MSX1: variants seen among roughly 807,000 people sequenced by gnomAD.
MSX1 encodes msh homeobox 1.
In MSX1, 11 loss-of-function variants were observed where a neutral mutation model predicts 17.0. The ratio of observed to expected loss-of-function variants is 0.65; its 90% CI spans 0.41 to 1.07. The LOEUF (loss-of-function observed/expected upper bound fraction) is 1.07. Ranked by LOEUF, MSX1 falls within the 50% of genes least tolerant of loss-of-function variation. The probability of loss-of-function intolerance (pLI) is 0.00; values close to 1 mark genes in which losing one functional copy is unlikely to be tolerated. For missense variants in MSX1, 477 were observed against 440.1 expected, an observed-to-expected ratio of 1.08 and a Z score of -0.75; for synonymous variants, 253 against 211.8, an observed-to-expected ratio of 1.19 and a Z score of -1.69.
chr4:4,860,056 A>C lies in MSX1; in HGVS notation c.157A>C (p.Lys53Gln), dbSNP rs1048451887. ...MGADEEGAKPKVSPSLLPFSV... is the reference protein window; with the variant it reads ...MGADEEGAKPQVSPSLLPFSV... ...CGCGGACGAGGAGGGGGCCAAGCCC[A>C]AAGTGTCCCCTTCGCTCCTGCCCTT... The change falls in exon 1 of 2, where the codon AAA becomes CAA. Residue 53 changes from lysine to glutamine, a missense_variant. Transcript: ENST00000382723. 6.6e-7 allele frequency: 1 copy of C among 1,518,920 alleles called. No individual in the cohort carries two copies. The highest frequency in any genetic ancestry group is 8.8e-7 in the Non-Finnish European group (1 of 1,134,736). 94.1% of individuals were successfully genotyped at this position (1,518,920 alleles called of 1,614,324 possible).
At position 4,860,334 on chromosome 4, in the gene MSX1, G is replaced by A; in HGVS notation, c.435G>A (p.Trp145Ter). ...CCGAGAAGCCCGAGAGGACCCCGTG[G>A]ATGCAGAGCCCCCGCTTCTCCCCGC... The part of the protein sequence containing the change: ...ESPEKPERTP[W>*]MQSPRFSPPP... Residue 145 changes from tryptophan (W) to a stop codon, truncating the protein, a stop_gained, in exon 1 of 2, where the codon TGG becomes TGA. Coordinates refer to ENST00000382723, the MANE Select transcript of MSX1 (RefSeq NM_002448.3). LOFTEE classifies it high-confidence loss of function. 6.2e-7 allele frequency: 1 copy of A among 1,603,272 alleles called. No individual in the cohort carries two copies. Among genetic ancestry groups the A allele is most frequent in the Non-Finnish European group, 8.5e-7 (1 of 1,178,550 alleles).
chr4:4,860,939 G>A (rs1461521655), intron 1 of MSX1, among the ~76,000 whole-genome samples: 1 of 152,188 alleles, frequency 6.6e-6, no homozygotes, highest in African/African-American at 2.4e-5. Flanking sequence ...GAGGGGGCGG[G>A]GCACCAAGTC....
chr4:4,860,421 G>A (rs1737888683), intron 1 of MSX1, 53 bp downstream of exon 1: 1 of 1,141,316 alleles, frequency 8.8e-7, no homozygotes, highest in Non-Finnish European at 1.2e-6. Flanking sequence ...GGGGCCGGGT[G>A]GGGTGTGGGA....
chr4:4,863,219 C>A lies in MSX1; in HGVS notation c.*76C>A. The A allele has an allele frequency of 6.9e-7, 1 of 1,439,612 alleles. No individual in the cohort carries two copies. The highest frequency in any genetic ancestry group is 9.4e-7 in the Non-Finnish European group (1 of 1,061,302). The allele number at this position is 1,439,612 out of a possible 1,614,324, so 89.2% of individuals were successfully genotyped here. A position where few individuals can be genotyped will look rare whatever the true frequency, so the allele number is the denominator to read the frequency against. Reference sequence around the variant, plus strand: ...GCTGTACCCCCGACGTGCTCCCCTGCTCGGCACCGCCAGCCGCCTTCCCTT... The same window carrying A: ...GCTGTACCCCCGACGTGCTCCCCTGATCGGCACCGCCAGCCGCCTTCCCTT... On this transcript the variant is annotated 3_prime_UTR_variant, in exon 2 of 2. Coordinates refer to ENST00000382723, the MANE Select transcript of MSX1 (RefSeq NM_002448.3).
chr4:4,860,038 G>A lies in MSX1; in HGVS notation c.139G>A (p.Glu47Lys), dbSNP rs1737870972. ...CACGGCAGCCGCCATGGGCGCGGAC[G>A]AGGAGGGGGCCAAGCCCAAAGTGTC... ...AATAAAMGADEEGAKPKVSPS... is the reference protein window; with the variant it reads ...AATAAAMGADKEGAKPKVSPS... Residue 47 changes from glutamate to lysine, a missense_variant, in exon 1 of 2, where the codon GAG (glutamate) becomes AAG (lysine). Glu to Lys is a moderately conservative substitution (Grantham distance 56, BLOSUM62 1). Around this residue, in one of 3 missense-constraint regions of MSX1, gnomAD observed 355 missense variants for 306.1 expected, o/e 1.16. Transcript: ENST00000382723. 2.0e-6 allele frequency: 3 copies of A among 1,509,706 alleles called. No homozygotes were observed. Among genetic ancestry groups the A allele is most frequent in the Non-Finnish European group, 2.7e-6 (3 of 1,130,018 alleles). The allele number at this position is 1,509,706 out of a possible 1,614,324, so 93.5% of individuals were successfully genotyped here. A position where few individuals can be genotyped will look rare whatever the true frequency, so the allele number is the denominator to read the frequency against.
In MSX1 at chr4:4,863,280, C is replaced by T; in HGVS notation, c.*137C>T. 1 of 935,532 alleles carries T rather than the reference C, an allele frequency of 1.1e-6. No individual in the cohort carries two copies. Among genetic ancestry groups the T allele is most frequent in the South Asian group, 1.6e-5 (1 of 64,434 alleles). 58.0% of individuals were successfully genotyped at this position (935,532 alleles called of 1,614,324 possible). A position where few individuals can be genotyped will look rare whatever the true frequency, so the allele number is the denominator to read the frequency against. ...ACTGCTCCAGTTTCACCTCTTTGCT[C>T]CCTGAGTTCACTCTCCGAAGTCTGA... On this transcript the variant is annotated 3_prime_UTR_variant, in exon 2 of 2. Coordinates refer to ENST00000382723, the MANE Select transcript of MSX1 (RefSeq NM_002448.3).
In MSX1 at chr4:4,859,748, G is replaced by GT; in HGVS notation, c.-152_-151insT. On this transcript the variant is annotated 5_prime_UTR_variant, in exon 1 of 2. Transcript: ENST00000382723. The stretch of plus-strand genomic sequence containing the variant: ...AGGCCAGGCCCAGCACGCCGGAGCT[G>GT]GCCTGCTGGGGAGGGGCGGGAGGCG... 1 of 411,894 alleles carries GT rather than the reference G, an allele frequency of 2.4e-6. No individual in the cohort carries two copies. Among genetic ancestry groups the GT allele is most frequent in the Non-Finnish European group, 3.6e-6 (1 of 279,466 alleles). The allele number at this position is 411,894 out of a possible 1,614,324, so 25.5% of individuals were successfully genotyped here.
At position 4,863,685 on chromosome 4, in the gene MSX1, G is replaced by C. The variant is rs1230058105; in HGVS notation, c.*542G>C. 1 of 150,856 alleles carries C rather than the reference G, an allele frequency of 6.6e-6. No individual in the cohort carries two copies. Among genetic ancestry groups the C allele is most frequent in the Non-Finnish European group, 1.5e-5 (1 of 67,888 alleles). 9.3% of individuals were successfully genotyped at this position (150,856 alleles called of 1,614,324 possible). A position where few individuals can be genotyped will look rare whatever the true frequency, so the allele number is the denominator to read the frequency against. On this transcript the variant is annotated 3_prime_UTR_variant, in exon 2 of 2. Coordinates refer to ENST00000382723, the MANE Select transcript of MSX1 (RefSeq NM_002448.3). Reference sequence around the variant, plus strand: ...AGTTCAACAACAAAACATTTGCTCTGGGGGGCAGGGAAAACACAGATGTGT... The same window carrying C: ...AGTTCAACAACAAAACATTTGCTCTCGGGGGCAGGGAAAACACAGATGTGT...
chr4:4,863,092 C>T lies in MSX1; in HGVS notation c.861C>T (p.Pro287=), dbSNP rs773095156. 12 of 1,609,556 alleles carry T rather than the reference C, an allele frequency of 7.5e-6. No homozygotes were observed. The highest frequency in any genetic ancestry group is 3.3e-5 in the Admixed American group (2 of 59,854). The change falls in exon 2 of 2, where the codon CCC becomes CCT. Residue 287 remains proline, a synonymous_variant. Transcript: ENST00000382723. ...AGCGCGCCGCGCTGCCTGTGGCGCC[C>T]GTGGGACTCTACACGGCCCATGTGG... ...PFQRAALPVA[P]VGLYTAHVGY...
Position 4,859,677 on chromosome 4 carries a change from C to T in MSX1, c.-223C>T, listed in dbSNP as rs1017891552. ...GGGGAGCCGCGGTAGGGCCCGGAGC[C>T]GGCGAGTGCTCCCGGGAACTCTGCC... On this transcript the variant is annotated 5_prime_UTR_variant, in exon 1 of 2. Coordinates refer to ENST00000382723, the MANE Select transcript of MSX1 (RefSeq NM_002448.3). 4 of 191,064 alleles carry T rather than the reference C, an allele frequency of 2.1e-5. No individual in the cohort carries two copies. Among genetic ancestry groups the T allele is most frequent in the Non-Finnish European group, 4.2e-5 (4 of 95,776 alleles). 11.8% of individuals were successfully genotyped at this position (191,064 alleles called of 1,614,324 possible). A position where few individuals can be genotyped will look rare whatever the true frequency, so the allele number is the denominator to read the frequency against.
Position 4,860,210 on chromosome 4 carries a change from G to A in MSX1, c.311G>A (p.Gly104Glu), listed in dbSNP as rs1304998337. Residue 104 changes from glycine to glutamate, a missense_variant, in exon 1 of 2, where the codon GGA (glycine) becomes GAA (glutamate). Gly to Glu is a moderately conservative substitution (Grantham distance 98, BLOSUM62 -2). This residue lies in a region of MSX1 where 355 missense variants were observed against 306.1 expected (regional missense o/e 1.16). Transcript: ENST00000382723. ...QPLGVPPGSL[G>E]APDAPSSPRP... The stretch of plus-strand genomic sequence containing the variant: ...CTGGGCGTCCCGCCGGGGTCGCTGG[G>A]AGCCCCGGACGCGCCCTCTTCGCCG... 5 of 1,545,246 alleles carry A rather than the reference G, an allele frequency of 3.2e-6. No individual in the cohort carries two copies. The African/African-American group carries it at 7.0e-5, about 22-fold the overall frequency.
chr4:4,860,977 C>T (rs547879647), intron 1 of MSX1, among the ~76,000 whole-genome samples: 33 of 152,358 alleles, frequency 2.2e-4, no homozygotes, highest in Admixed American at 5.9e-4. Flanking sequence ...CCCGCTAATC[C>T]TATGGGAAGC....
rs1737866778 is a variant in MSX1 at position 4,859,972 on chromosome 4, G to A, written c.73G>A (p.Ala25Thr). 1 of 1,489,232 alleles carries A rather than the reference G, an allele frequency of 6.7e-7. No homozygotes were observed. Among genetic ancestry groups the A allele is most frequent in the East Asian group, 2.8e-5 (1 of 35,388 alleles). 92.3% of individuals were successfully genotyped at this position (1,489,232 alleles called of 1,614,324 possible). A position where few individuals can be genotyped will look rare whatever the true frequency, so the allele number is the denominator to read the frequency against. The change falls in exon 1 of 2, where the codon GCG becomes ACG. Residue 25 changes from alanine (A) to threonine (T), a missense_variant. By Grantham distance (58) the Ala-to-Thr change is moderately conservative. Coordinates refer to ENST00000382723, the MANE Select transcript of MSX1 (RefSeq NM_002448.3). ...KVEDSAFGKPAGGGAGQAPSA... is the reference protein window; with the variant it reads ...KVEDSAFGKPTGGGAGQAPSA... ...GGAGGACTCCGCCTTCGGCAAGCCG[G>A]CGGGGGGAGGCGCGGGCCAGGCCCC... is the stretch of plus-strand genomic sequence containing the variant.
chr4:4,859,804 C>T lies in MSX1; in HGVS notation c.-96C>T. On this transcript the variant is annotated 5_prime_UTR_variant, in exon 1 of 2. Coordinates refer to ENST00000382723, the MANE Select transcript of MSX1 (RefSeq NM_002448.3). ...GGGAGGGTCCGCCCGGCCAGGGCCC[C>T]GGGCGCTCGCAGAGGCCGGCCGCGC... is the stretch of plus-strand genomic sequence containing the variant. 4 of 1,122,374 alleles carry T rather than the reference C, an allele frequency of 3.6e-6. No individual in the cohort carries two copies. The South Asian group carries it at 1.0e-4, about 28-fold the overall frequency. 69.5% of individuals were successfully genotyped at this position (1,122,374 alleles called of 1,614,324 possible).
At position 4,862,845 on chromosome 4, in the gene MSX1, T is replaced by C; in HGVS notation, c.614T>C (p.Phe205Ser). Residue 205 changes from phenylalanine (F) to serine (S), a missense_variant, in exon 2 of 2, where the codon TTC becomes TCC. Physicochemically the swap from Phe to Ser is radical, Grantham distance 155. Around this residue, in one of 3 missense-constraint regions of MSX1, gnomAD observed 355 missense variants for 306.1 expected, o/e 1.16. Coordinates refer to ENST00000382723, the MANE Select transcript of MSX1 (RefSeq NM_002448.3). ...QYLSIAERAE[F>S]SSSLSLTETQ... ...CTGTCCATCGCCGAGCGCGCGGAGTTCTCCAGCTCGCTCAGCCTCACTGAG... is the reference window on the plus strand; with the variant it reads ...CTGTCCATCGCCGAGCGCGCGGAGTCCTCCAGCTCGCTCAGCCTCACTGAG... The C allele has an allele frequency of 6.2e-7, 1 of 1,613,792 alleles. No homozygotes were observed. The highest frequency in any genetic ancestry group is 8.5e-7 in the Non-Finnish European group (1 of 1,180,016).
Position 4,860,262 on chromosome 4 carries a change from G to C in MSX1, c.363G>C (p.Gly121=). 6.3e-7 allele frequency: 1 copy of C among 1,593,022 alleles called. No homozygotes were observed. The highest frequency in any genetic ancestry group is 8.5e-7 in the Non-Finnish European group (1 of 1,177,276). The change falls in exon 1 of 2, where the codon GGG becomes GGC. Residue 121 remains glycine (G), a synonymous_variant. Transcript: ENST00000382723. ...SPRPLGHFSV[G]GLLKLPEDAL... is the part of the protein sequence containing the mutation. ...GGCCGCTCGGCCATTTCTCGGTGGGGGGACTCCTCAAGCTGCCAGAAGATG... is the reference window on the plus strand; with the variant it reads ...GGCCGCTCGGCCATTTCTCGGTGGGCGGACTCCTCAAGCTGCCAGAAGATG...
Position 4,863,034 on chromosome 4 carries a change from G to A in MSX1, c.803G>A (p.Gly268Asp), listed in dbSNP as rs1295509625. ...CCCGCAGCTGTAGCGGCCGCGGCGGGTGCCTCGCTCTACGGTGCCTCTGGC... is the reference window on the plus strand; with the variant it reads ...CCCGCAGCTGTAGCGGCCGCGGCGGATGCCTCGCTCTACGGTGCCTCTGGC... The part of the protein sequence containing the change: ...GGPAAVAAAA[G>D]ASLYGASGPF... Residue 268 changes from glycine to aspartate, a missense_variant, in exon 2 of 2, where the codon GGT becomes GAT. Coordinates refer to ENST00000382723, the MANE Select transcript of MSX1 (RefSeq NM_002448.3). 2 of 1,610,066 alleles carry A rather than the reference G, an allele frequency of 1.2e-6. No individual in the cohort carries two copies. Among genetic ancestry groups the A allele is most frequent in the Non-Finnish European group, 1.7e-6 (2 of 1,178,870 alleles).
chr4:4,859,997 C>T lies in MSX1; in HGVS notation c.98C>T (p.Pro33Leu). ...GCGGGGGGAGGCGCGGGCCAGGCCC[C>T]CAGCGCCGCCGCGGCCACGGCAGCC... ...KPAGGGAGQA[P>L]SAAAATAAAM... The change falls in exon 1 of 2, where the codon CCC (proline) becomes CTC (leucine). Residue 33 changes from proline to leucine, a missense_variant. Physicochemically the swap from Pro to Leu is moderately conservative, Grantham distance 98. This residue lies in a region of MSX1 where 355 missense variants were observed against 306.1 expected (regional missense o/e 1.16). Transcript: ENST00000382723. The T allele has an allele frequency of 6.7e-7, 1 of 1,495,752 alleles. No individual in the cohort carries two copies. Among genetic ancestry groups the T allele is most frequent in the Non-Finnish European group, 8.9e-7 (1 of 1,123,654 alleles). The allele number at this position is 1,495,752 out of a possible 1,614,324, so 92.7% of individuals were successfully genotyped here.
chr4:4,860,328 C>G lies in MSX1; in HGVS notation c.429C>G (p.Thr143=). The G allele has an allele frequency of 1.2e-6, 2 of 1,604,680 alleles. No homozygotes were observed. Among genetic ancestry groups the G allele is most frequent in the Non-Finnish European group, 1.7e-6 (2 of 1,179,646 alleles). The stretch of plus-strand genomic sequence containing the variant: ...AGAGCCCCGAGAAGCCCGAGAGGAC[C>G]CCGTGGATGCAGAGCCCCCGCTTCT... The part of the protein sequence containing the change: ...KAESPEKPER[T]PWMQSPRFSP... Residue 143 remains threonine (T), a synonymous_variant, in exon 1 of 2, where the codon ACC becomes ACG. Transcript: ENST00000382723.
Sources: allele counts gnomAD v4.1 joint callset (sites outside exome capture counted in the v4.1 genomes callset), GRCh38; gene constraint gnomAD v4.1.1; regional missense constraint gnomAD v4.1.1; transcripts MANE v1.5; gene names NCBI Gene and HGNC (gene_info 2026-07-23, HGNC 2026-07-21).